Variants in HTR1F observed in about 807,000 individuals in gnomAD.
HTR1F encodes the protein 5-hydroxytryptamine receptor 1F.
A neutral mutation model predicts 24.0 loss-of-function variants in HTR1F; 17 were observed. That is an observed-to-expected ratio of 0.71 (90% confidence interval 0.48 to 1.06). The LOEUF is 1.06. Among genes scored for constraint, HTR1F ranks in the 50% least tolerant of loss-of-function variants. The probability of loss-of-function intolerance (pLI) is 0.00; values close to 1 mark genes in which losing one functional copy is unlikely to be tolerated. For synonymous variants in HTR1F, 186 were observed against 156.8 expected, an observed-to-expected ratio of 1.19 and a Z score of -1.39; for missense variants, 391 against 427.8, an observed-to-expected ratio of 0.91 and a Z score of 0.76.
intron 2 of HTR1F, among the ~76,000 whole-genome samples, chr3:87,862,381 T>G (rs1705336395): frequency 6.6e-6 from 1 of 152,354 alleles, no homozygotes; most frequent in African/African-American, 2.4e-5. Context: ...CTGGGATCAG[T>G]GAACCCTCAT....
chr3:87,809,120 T>C (rs1704120340), intron 1 of HTR1F, among the ~76,000 whole-genome samples: 1 of 151,878 alleles, frequency 6.6e-6, no homozygotes, highest in Non-Finnish European at 1.5e-5. Context: ...TATGAATAGA[T>C]TTTTATTTGA....
intron 2 of HTR1F, among the ~76,000 whole-genome samples, chr3:87,958,119 T>A (rs1285142360): frequency 6.6e-6 from 1 of 151,694 alleles, no homozygotes; most frequent in East Asian, 1.9e-4. Flanking sequence ...CCCCTTGTAA[T>A]TTTTTATTGG....
At chr3:87,975,887 A>T (rs1351699438) in intron 2 of HTR1F, among the ~76,000 whole-genome samples, 2 of 152,230 alleles carry the variant, frequency 1.3e-5, no homozygotes, top group Non-Finnish European at 2.9e-5. Flanking sequence ...AACATTCTGT[A>T]ATACCATTAA....
At chr3:87,915,344 C>A (rs920561836) in intron 2 of HTR1F, among the ~76,000 whole-genome samples, 2 of 152,084 alleles carry the variant, frequency 1.3e-5, no homozygotes, top group African/African-American at 2.4e-5. Flanking sequence ...TGAATCCAAA[C>A]CAGGAAGAAA....
At chr3:87,931,808 G>C (rs1277505596) in intron 2 of HTR1F, among the ~76,000 whole-genome samples, 7 of 148,600 alleles carry the variant, frequency 4.7e-5, no homozygotes, top group African/African-American at 1.5e-4. Context: ...GTGATGGTGA[G>C]CATTTCTTCA....
chr3:87,829,616 A>G (rs1704534020), intron 2 of HTR1F, among the ~76,000 whole-genome samples: 1 of 152,154 alleles, frequency 6.6e-6, no homozygotes. Context: ...CTTTTCATCT[A>G]TGTTTGCACA....
At chr3:87,960,693 C>A (rs1705041195) in intron 2 of HTR1F, among the ~76,000 whole-genome samples, 1 of 151,926 alleles carries the variant, frequency 6.6e-6, no homozygotes, top group South Asian at 2.1e-4. Flanking sequence ...ATGGTAAGTG[C>A]ACAACAAAGA....
At chr3:87,841,511 C>T (rs767279080) in intron 2 of HTR1F, among the ~76,000 whole-genome samples, 3 of 151,860 alleles carry the variant, frequency 2.0e-5, no homozygotes, top group African/African-American at 7.3e-5. Flanking sequence ...GGGTTGGGAA[C>T]TCTAGTCAGT....
At chr3:87,920,956 C>A (rs1576032158) in intron 2 of HTR1F, among the ~76,000 whole-genome samples, 1 of 152,018 alleles carries the variant, frequency 6.6e-6, no homozygotes, top group Non-Finnish European at 1.5e-5. Context: ...TTCTGACTAT[C>A]CTTTCCTTAG....
intron 2 of HTR1F, among the ~76,000 whole-genome samples, chr3:87,957,625 T>C (rs1704973236): frequency 6.6e-6 from 1 of 151,418 alleles, no homozygotes; most frequent in Non-Finnish European, 1.5e-5. Flanking sequence ...TTCAGTAAAC[T>C]TTAGTACTTT....
intron 2 of HTR1F, among the ~76,000 whole-genome samples, chr3:87,989,345 T>C (rs891710776): frequency 7.5e-4 from 115 of 152,338 alleles, no homozygotes; most frequent in African/African-American, 2.5e-3. Flanking sequence ...TTAGGGGCTG[T>C]CCTTACTAGT....
chr3:87,906,115 T>C (rs1325092446), intron 2 of HTR1F, among the ~76,000 whole-genome samples: 2 of 152,120 alleles, frequency 1.3e-5, no homozygotes, highest in South Asian at 2.1e-4. Context: ...AAACGCTAAA[T>C]TGTCACTTGG....
chr3:87,833,252 T>C (rs1704619099), intron 2 of HTR1F, among the ~76,000 whole-genome samples: 1 of 152,186 alleles, frequency 6.6e-6, no homozygotes, highest in Non-Finnish European at 1.5e-5. Flanking sequence ...TTCCCTTAAG[T>C]ATCCAGAATG....
intron 2 of HTR1F, among the ~76,000 whole-genome samples, chr3:87,919,133 C>G (rs1189186977): frequency 1.3e-5 from 2 of 152,032 alleles, no homozygotes; most frequent in Non-Finnish European, 2.9e-5. Flanking sequence ...AAAGGACACC[C>G]TTTTCAAAAA....
Position 87,992,034 on chromosome 3 carries a change from G to A in HTR1F, c.*184G>A. On this transcript the variant is annotated 3_prime_UTR_variant, in exon 3 of 3. Coordinates refer to ENST00000319595, the MANE Select transcript of HTR1F (RefSeq NM_001322209.2). ...AAAGTTATTGATCACCACTATTCTA[G>A]GGTATTCAAAATTAGAAAATAATTT... is the stretch of plus-strand genomic sequence containing the variant. 1 of 431,024 alleles carries A rather than the reference G, an allele frequency of 2.3e-6. No individual in the cohort carries two copies. The highest frequency in any genetic ancestry group is 4.1e-6 in the Non-Finnish European group (1 of 243,636). The allele number at this position is 431,024 out of a possible 1,614,324, so 26.7% of individuals were successfully genotyped here. A position where few individuals can be genotyped will look rare whatever the true frequency, so the allele number is the denominator to read the frequency against.
At position 87,946,223 on chromosome 3, in the gene HTR1F, G is replaced by A. The variant is rs560266699; in HGVS notation, c.-42-44485G>A. Among the ~76,000 whole-genome samples, 8 of 152,252 alleles carry A rather than the reference G, an allele frequency of 5.3e-5. No individual in the cohort carries two copies. In the South Asian group the frequency reaches 6.2e-4, roughly 12 times the overall value. On this transcript the variant is annotated intron_variant, in intron 2 of 2. Transcript: ENST00000319595. ...CGGATCCAGAGGGGTGGAAGTCAGC[G>A]GCGGTATGCGACGGCGGCAAACGGC...
intron 2 of HTR1F, among the ~76,000 whole-genome samples, chr3:87,858,233 G>C (rs1705241598): frequency 6.6e-6 from 1 of 152,116 alleles, no homozygotes; most frequent in African/African-American, 2.4e-5. Flanking sequence ...GGCATGTATA[G>C]AGCACTGTAA....
In HTR1F at chr3:87,907,197, A is replaced by T. The variant is rs868568144; in HGVS notation, c.-42-83511A>T. On this transcript the variant is annotated intron_variant, in intron 2 of 2. Coordinates refer to ENST00000319595, the MANE Select transcript of HTR1F (RefSeq NM_001322209.2). ...TTTTACCACATCTATGCCAACATTT[A>T]TTTTTTTTTTTGATTATTGGTCATT... 2.6e-4 allele frequency among the ~76,000 whole-genome samples: 38 copies of T among 147,838 alleles called. 1 individual carries two copies. The highest frequency in any genetic ancestry group is 3.5e-3 in the Middle Eastern group (1 of 284).
At chr3:87,971,207 A>C (rs969665348) in intron 2 of HTR1F, among the ~76,000 whole-genome samples, 1 of 152,196 alleles carries the variant, frequency 6.6e-6, no homozygotes, top group African/African-American at 2.4e-5. Context: ...TACTTGGAAA[A>C]GTATGTGACA....
Sources: gnomAD v4.1 joint callset for allele counts (sites outside exome capture counted in the v4.1 genomes callset) on GRCh38, gnomAD v4.1.1 for gene constraint, MANE v1.5 for transcripts, NCBI Gene and HGNC (gene_info 2026-07-23, HGNC 2026-07-21) for gene names.